PAPPA2: variants seen among roughly 807,000 people sequenced by gnomAD.
The protein encoded by PAPPA2 is pappalysin-2.
Under a neutral mutation model 176.4 loss-of-function variants are expected in PAPPA2, and 86 were observed. That is an observed-to-expected ratio of 0.49 (90% CI 0.41 to 0.58). The LOEUF (loss-of-function observed/expected upper bound fraction) is 0.58. PAPPA2 is among the 20% of genes least tolerant of loss of function. The pLI is 0.00. For synonymous variants in PAPPA2, 809 were observed against 852.2 expected (o/e 0.95, Z 0.88); for missense variants, 2,073 against 2,256.9 (o/e 0.92, Z 1.65).
intron 4 of PAPPA2, among the ~76,000 whole-genome samples, chr1:176,674,379 T>C (rs1659172613): frequency 6.6e-6 from 1 of 152,096 alleles, no homozygotes; most frequent in South Asian, 2.1e-4. Flanking sequence ...GTGTACACTG[T>C]ACCAGTGTAT....
At chr1:176,812,605 T>C (rs1666204305) in intron 21 of PAPPA2, among the ~76,000 whole-genome samples, 1 of 152,210 alleles carries the variant, frequency 6.6e-6, no homozygotes, top group Non-Finnish European at 1.5e-5. Context: ...AATTTCTTAA[T>C]TAAATAATCC....
At chr1:176,797,533 G>C (rs1239574093) in intron 20 of PAPPA2, among the ~76,000 whole-genome samples, 1 of 152,028 alleles carries the variant, frequency 6.6e-6, no homozygotes, top group African/African-American at 2.4e-5. Context: ...TGTAGTTTCA[G>C]CTAGTCAGGA....
chr1:176,508,106 A>G (rs1244015505), intron 1 of PAPPA2, among the ~76,000 whole-genome samples: 1 of 152,176 alleles, frequency 6.6e-6, no homozygotes, highest in African/African-American at 2.4e-5. Context: ...CTTAAAAACA[A>G]TCTTCAAAAA....
chr1:176,701,484 G>A (rs1177299224), intron 8 of PAPPA2, among the ~76,000 whole-genome samples: 3 of 152,178 alleles, frequency 2.0e-5, no homozygotes. Context: ...TTGCTTCTCT[G>A]GGGGATGTGG....
At chr1:176,670,218 T>C (rs891084899) in intron 3 of PAPPA2, among the ~76,000 whole-genome samples, 5 of 152,220 alleles carry the variant, frequency 3.3e-5, no homozygotes, top group African/African-American at 1.2e-4. Context: ...CAAATGTTTG[T>C]TTCCTTTTTT....
intron 5 of PAPPA2, among the ~76,000 whole-genome samples, chr1:176,691,633 C>T (rs1468369090): frequency 6.6e-6 from 1 of 152,210 alleles, no homozygotes; most frequent in Non-Finnish European, 1.5e-5. Flanking sequence ...CTAAAGAGAC[C>T]TTGCCAGATT....
At chr1:176,734,329 C>T (rs1020898710) in intron 12 of PAPPA2, among the ~76,000 whole-genome samples, 2 of 151,802 alleles carry the variant, frequency 1.3e-5, no homozygotes, top group Non-Finnish European at 2.9e-5. Flanking sequence ...ACCCCTAGTT[C>T]GGGTGGGATT....
chr1:176,580,158 C>T (rs1652879641), intron 2 of PAPPA2, among the ~76,000 whole-genome samples: 1 of 152,128 alleles, frequency 6.6e-6, no homozygotes, highest in South Asian at 2.1e-4. Context: ...TCCCTATCTC[C>T]CTCTTCCTGC....
intron 1 of PAPPA2, among the ~76,000 whole-genome samples, chr1:176,529,018 G>A (rs982656572): frequency 1.3e-5 from 2 of 152,150 alleles, no homozygotes; most frequent in Admixed American, 6.5e-5. Context: ...TTACTTGTGG[G>A]CAGGAAGCAG....
At chr1:176,519,333 G>A (rs904817871) in intron 1 of PAPPA2, among the ~76,000 whole-genome samples, 14 of 152,132 alleles carry the variant, frequency 9.2e-5, no homozygotes, top group African/African-American at 1.2e-4. Context: ...GTAGGGCTGC[G>A]GGAGACTCCT....
At chr1:176,698,667 A>C (rs1264909781) in intron 7 of PAPPA2, among the ~76,000 whole-genome samples, 1 of 152,238 alleles carries the variant, frequency 6.6e-6, no homozygotes, top group Non-Finnish European at 1.5e-5. Context: ...GAATGAAAGA[A>C]GTTTTGGGAA....
chr1:176,488,387 T>C (rs145029524), intron 1 of PAPPA2, among the ~76,000 whole-genome samples: 5 of 152,126 alleles, frequency 3.3e-5, no homozygotes, highest in Non-Finnish European at 7.4e-5. Flanking sequence ...CTTAGAAGTA[T>C]GTATAGATAA....
chr1:176,831,521 GACTATA>G (rs554943915), intron 21 of PAPPA2, among the ~76,000 whole-genome samples: 2 of 152,240 alleles, frequency 1.3e-5, no homozygotes, highest in East Asian at 3.9e-4. Flanking sequence ...CACCCTTTGG[GACTATA>G]ACTCCATCCA....
At chr1:176,688,645 G>T (rs1319852793) in intron 4 of PAPPA2, among the ~76,000 whole-genome samples, 1 of 152,220 alleles carries the variant, frequency 6.6e-6, no homozygotes, top group Non-Finnish European at 1.5e-5. Flanking sequence ...TTTCACCTGG[G>T]ATGTGAAAGG....
rs2076336 is a variant in PAPPA2 at position 176,790,200 on chromosome 1, A to G, written c.4884+223A>G. ...CTTCCTCTGAGGTAAGAAGAATCCAATGGGTAGAGTACCAGGTATATTCCA... is the reference window on the plus strand; with the variant it reads ...CTTCCTCTGAGGTAAGAAGAATCCAGTGGGTAGAGTACCAGGTATATTCCA... On this transcript the variant is annotated intron_variant, in intron 18 of 22. Transcript: ENST00000367662. Among the ~76,000 whole-genome samples the G allele has an allele frequency of 0.41, 62,812 of 152,020 alleles. 14,387 individuals carry two copies. Among genetic ancestry groups the G allele is most frequent in the African/African-American group, 0.6 (24,951 of 41,456 alleles).
chr1:176,623,618 CCTTCCTTTTTTA>C (rs1655742450), intron 3 of PAPPA2, among the ~76,000 whole-genome samples: 1 of 75,276 alleles, frequency 1.3e-5, no homozygotes, highest in Non-Finnish European at 2.6e-5. Context: ...TTCCTTCCTT[CCTTCCTTTTTTA>C]CTTTCTTTCT....
At chr1:176,570,584 G>A (rs897706328) in intron 2 of PAPPA2, among the ~76,000 whole-genome samples, 1 of 151,816 alleles carries the variant, frequency 6.6e-6, no homozygotes, top group Non-Finnish European at 1.5e-5. Flanking sequence ...TACAACCCAT[G>A]GCATGGATCC....
intron 21 of PAPPA2, among the ~76,000 whole-genome samples, chr1:176,814,368 G>A (rs12123952): frequency 3.3e-5 from 5 of 152,046 alleles, no homozygotes; most frequent in Admixed American, 6.5e-5. Flanking sequence ...TATGAATTAC[G>A]TTGGACAGTA....
chr1:176,751,017 A>AT (rs1248863706), intron 14 of PAPPA2, among the ~76,000 whole-genome samples: 1 of 151,864 alleles, frequency 6.6e-6, no homozygotes, highest in African/African-American at 2.4e-5. Flanking sequence ...TGATTTTTGT[A>AT]TAAGGTGTAA....
Sources: allele counts gnomAD v4.1 joint callset (sites outside exome capture counted in the v4.1 genomes callset), GRCh38; gene constraint gnomAD v4.1.1; transcripts MANE v1.5; gene names NCBI Gene and HGNC (gene_info 2026-07-23, HGNC 2026-07-21).